EWSR1: variants seen among roughly 807,000 people sequenced by gnomAD.
The protein encoded by EWSR1 is EWS RNA binding protein 1, also known as RNA-binding protein EWS.
Under a neutral mutation model 92.1 loss-of-function variants are expected in EWSR1, and 14 were observed. That is an observed-to-expected ratio of 0.15 (90% CI 0.10 to 0.24). The LOEUF is 0.24. Among genes scored for constraint, EWSR1 ranks in the 10% least tolerant of loss-of-function variants. The probability of loss-of-function intolerance (pLI) is 1.00; values close to 1 mark genes in which losing one functional copy is unlikely to be tolerated. For missense variants in EWSR1, 637 were observed against 870.9 expected (o/e 0.73, Z 3.38); for synonymous variants, 303 against 292.9 (o/e 1.03, Z -0.35).
At chr22:29,271,525 C>T (rs2058681642) in intron 1 of EWSR1, among the ~76,000 whole-genome samples, 1 of 152,144 alleles carries the variant, frequency 6.6e-6, no homozygotes, top group African/African-American at 2.4e-5. Context: ...AAATTTTTCC[C>T]AGAAAGACTA....
chr22:29,277,552 G>C, intron 4 of EWSR1: 1 of 229,306 alleles, frequency 4.4e-6, no homozygotes, highest in Non-Finnish European at 8.6e-6. Context: ...TTTAGTGCTA[G>C]AACTAGTACC....
chr22:29,282,311 T>C, intron 5 of EWSR1, 79 bp from the exon 6 acceptor site: 1 of 1,165,264 alleles, frequency 8.6e-7, no homozygotes, highest in Non-Finnish European at 1.2e-6. Context: ...TTTGTAGCAT[T>C]CTTACCCAGG....
At chr22:29,282,154 A>G (rs1003836322) in intron 5 of EWSR1, among the ~76,000 whole-genome samples, 1 of 152,138 alleles carries the variant, frequency 6.6e-6, no homozygotes, top group South Asian at 2.1e-4. Flanking sequence ...TCTTCTGTGG[A>G]TATGATTGAT....
chr22:29,280,963 T>C lies in EWSR1; in HGVS notation c.414-1427T>C, dbSNP rs2059551896. Among the ~76,000 whole-genome samples the C allele has an allele frequency of 3.6e-5, 5 of 138,088 alleles. No individual in the cohort carries two copies. In the South Asian group the frequency reaches 1.3e-3, roughly 35 times the overall value. The allele number at this position is 138,088 out of a possible 152,430, so 90.6% of individuals were successfully genotyped here. On this transcript the variant is annotated intron_variant, in intron 5 of 16. Transcript: ENST00000397938. ...GGCGCCATCTCAGCTCACTGCAAGC[T>C]CCGCCTCCCAGGTTCATGCCATTCT...
intron 5 of EWSR1, among the ~76,000 whole-genome samples, chr22:29,281,405 G>A (rs1354360773): frequency 0.042 from 1 of 24 alleles, no homozygotes; most frequent in Non-Finnish European, 0.05. Flanking sequence ...CCATGCCCCA[G>A]CAGTCCCTCC....
Position 29,296,331 on chromosome 22 carries a change from C to G in EWSR1, c.1257C>G (p.Asp419Glu). ...PKGDATVSYEDPPTAKAAVEW... is the reference protein window; with the variant it reads ...PKGDATVSYEEPPTAKAAVEW... ...GCGATGCCACAGTGTCCTATGAAGA[C>G]CCACCCACTGCCAAGGCTGCCGTGG... The change falls in exon 12 of 17, where the codon GAC (aspartate) becomes GAG (glutamate). Residue 419 changes from aspartate (D) to glutamate (E), a missense_variant. Transcript: ENST00000397938. 3 of 1,614,152 alleles carry G rather than the reference C, an allele frequency of 1.9e-6. No individual in the cohort carries two copies. In the African/African-American group the frequency reaches 4.0e-5, roughly 22 times the overall value.
intron 3 of EWSR1, among the ~76,000 whole-genome samples, chr22:29,272,644 C>A (rs1489394257): frequency 1.3e-5 from 2 of 152,170 alleles, no homozygotes; most frequent in African/African-American, 4.8e-5. Flanking sequence ...CTCTTTATAA[C>A]TTTTTAATAT....
intron 12 of EWSR1, among the ~76,000 whole-genome samples, chr22:29,297,545 T>A (rs1434416610): frequency 6.6e-6 from 1 of 152,068 alleles, no homozygotes. Flanking sequence ...TTTTGTAAAA[T>A]TAGTCGGGCA....
At chr22:29,290,250 C>T (rs1569100365) in intron 8 of EWSR1, 1 of 586,710 alleles carries the variant, frequency 1.7e-6, no homozygotes, top group Non-Finnish European at 2.9e-6. Context: ...CCTCGTTGCC[C>T]CCCTTTTTAT....
At chr22:29,283,816 G>A (rs1053011850) in intron 6 of EWSR1, among the ~76,000 whole-genome samples, 1 of 148,076 alleles carries the variant, frequency 6.8e-6, no homozygotes, top group Non-Finnish European at 1.5e-5. Flanking sequence ...TGACAGGCGC[G>A]AGCCCCTGCG....
intron 5 of EWSR1, among the ~76,000 whole-genome samples, chr22:29,280,063 T>A (rs1325467229): frequency 1.3e-5 from 2 of 152,186 alleles, no homozygotes; most frequent in African/African-American, 4.8e-5. Context: ...ACACCCTCTC[T>A]GGTTTTTCTG....
chr22:29,275,805 C>A (rs564243664), intron 4 of EWSR1: 1 of 230,762 alleles, frequency 4.3e-6, no homozygotes, highest in African/African-American at 2.2e-5. Context: ...TTAAAAACTT[C>A]TTAATTTTTA....
chr22:29,282,336 C>A, intron 5 of EWSR1, 54 bp from the exon 6 acceptor site: 1 of 1,442,934 alleles, frequency 6.9e-7, no homozygotes, highest in Non-Finnish European at 9.2e-7. Context: ...TTGTGGTTGA[C>A]CAACCACACA....
intron 4 of EWSR1, chr22:29,276,935 T>C (rs2059167751): frequency 4.3e-6 from 1 of 231,644 alleles, no homozygotes; most frequent in Non-Finnish European, 8.5e-6. Context: ...AACTTTTTAT[T>C]GCATGGCTTA....
intron 6 of EWSR1, among the ~76,000 whole-genome samples, chr22:29,285,669 C>T (rs2059968849): frequency 6.6e-6 from 1 of 151,140 alleles, no homozygotes; most frequent in Non-Finnish European, 1.5e-5. Flanking sequence ...ATCGTTAACT[C>T]GAGATTATTG....
chr22:29,274,198 A>G, intron 4 of EWSR1: 1 of 1,552,240 alleles, frequency 6.4e-7, no homozygotes, highest in Non-Finnish European at 8.9e-7. Flanking sequence ...TAAAAATCAA[A>G]CTGGTTTTCA....
rs372179091 is a variant in EWSR1, at chr22:29,296,180, C to T, written c.1165-59C>T. 2.5e-5 allele frequency: 38 copies of T among 1,549,330 alleles called. No homozygotes were observed. The African/African-American group carries it at 4.8e-4, about 20-fold the overall frequency. ...GTACTTTTCCTGGATTTTGCCTGGA[C>T]TTTTTTCTCCCAAATTAGTATATTC... On this transcript the variant is annotated intron_variant, in intron 11 of 16. Transcript: ENST00000397938.
chr22:29,272,242 G>A lies in EWSR1; in HGVS notation c.40G>A (p.Ala14Thr). The A allele has an allele frequency of 1.2e-6, 2 of 1,614,096 alleles. No homozygotes were observed. Among genetic ancestry groups the A allele is most frequent in the Non-Finnish European group, 8.5e-7 (1 of 1,179,950 alleles). ...TDYSTYSQAAAQQGYSAYTAQ... is the reference protein window; with the variant it reads ...TDYSTYSQAATQQGYSAYTAQ... Reference sequence around the variant, plus strand: ...TTACAGTACCTATAGCCAAGCTGCAGCGCAGCAGGGGTAAGTCAGTCTTTT... The same window carrying A: ...TTACAGTACCTATAGCCAAGCTGCAACGCAGCAGGGGTAAGTCAGTCTTTT... The change falls in exon 2 of 17, where the codon GCG (alanine) becomes ACG (threonine). Residue 14 changes from alanine to threonine, a missense_variant. This residue lies in a region of EWSR1 where 144 missense variants were observed against 189.0 expected (regional missense o/e 0.76). Transcript: ENST00000397938.
chr22:29,287,218 T>C lies in EWSR1; in HGVS notation c.793+84T>C, dbSNP rs72547433. 5.0e-5 allele frequency: 69 copies of C among 1,383,248 alleles called. No homozygotes were observed. In the East Asian group the frequency reaches 1.6e-3, roughly 32 times the overall value. 85.7% of individuals were successfully genotyped at this position (1,383,248 alleles called of 1,614,324 possible). ...GGTTGATTTTTTTTGTTGGTTTGTT[T>C]TTCTTTTGAGATGGAGTTTCACTCT... is the stretch of plus-strand genomic sequence containing the variant. On this transcript the variant is annotated intron_variant, in intron 7 of 16. Coordinates refer to ENST00000397938, the MANE Select transcript of EWSR1 (RefSeq NM_005243.4).
Sources: gnomAD v4.1 joint callset for allele counts (sites outside exome capture counted in the v4.1 genomes callset) on GRCh38, gnomAD v4.1.1 for gene constraint, gnomAD v4.1.1 regional missense constraint, MANE v1.5 for transcripts, NCBI Gene and HGNC (gene_info 2026-07-23, HGNC 2026-07-21) for gene names.